Variants in PROX1 observed in about 807,000 individuals in gnomAD.
PROX1 encodes the protein prospero homeobox protein 1.
Under a neutral mutation model 58.8 loss-of-function variants are expected in PROX1, and 7 were observed. That is an observed-to-expected ratio of 0.12 (90% CI 0.07 to 0.22). PROX1 has a LOEUF of 0.22. Among genes scored for constraint, PROX1 ranks in the 10% least tolerant of loss-of-function variants. The pLI is 1.00. For missense variants in PROX1, 675 were observed against 927.8 expected, an observed-to-expected ratio of 0.73 and a Z score of 3.54; for synonymous variants, 350 against 358.3, an observed-to-expected ratio of 0.98 and a Z score of 0.26.
intron 4 of PROX1, among the ~76,000 whole-genome samples, chr1:214,035,182 C>T (rs1664788831): frequency 6.6e-6 from 1 of 152,086 alleles, no homozygotes; most frequent in South Asian, 2.1e-4. Context: ...AGAAGATTTT[C>T]TTCATTTAAA....
chr1:214,027,415 C>T (rs112826429), intron 4 of PROX1, among the ~76,000 whole-genome samples: 3,235 of 152,202 alleles, frequency 0.021, 123 homozygotes, highest in African/African-American at 0.071. Flanking sequence ...AAGCATCAAC[C>T]GAAACTGCTC....
At chr1:213,983,450 G>C (rs1417095505), upstream of PROX1, 1 of 152,340 alleles carries the variant, frequency 6.6e-6, no homozygotes, top group African/African-American at 2.4e-5. Flanking sequence ...CCCTGCCACA[G>C]CTTGGAAGTG....
chr1:214,030,596 G>C (rs1664615078), intron 4 of PROX1: 1 of 152,342 alleles, frequency 6.6e-6, no homozygotes, highest in South Asian at 2.1e-4. Context: ...GCAAGGTTTA[G>C]GTCCCCCGCA....
intron 4 of PROX1, among the ~76,000 whole-genome samples, chr1:214,024,722 A>G (rs1253473278): frequency 6.6e-6 from 1 of 152,214 alleles, no homozygotes; most frequent in Non-Finnish European, 1.5e-5. Flanking sequence ...GGCAGAAAAC[A>G]ATCACGTAAT....
intron 4 of PROX1, among the ~76,000 whole-genome samples, chr1:214,033,493 G>T (rs1435789776): frequency 6.6e-6 from 1 of 152,174 alleles, no homozygotes; most frequent in Non-Finnish European, 1.5e-5. Context: ...AGCTACTCAG[G>T]AGGCTAAGGC....
chr1:214,019,610 T>C (rs960104028), intron 4 of PROX1, among the ~76,000 whole-genome samples: 34 of 152,190 alleles, frequency 2.2e-4, no homozygotes, highest in African/African-American at 8.2e-4. Flanking sequence ...TCGTGGGCCA[T>C]GGGAGGCCTC....
chr1:213,995,192 G>GA (rs3835652), intron 1 of PROX1, among the ~76,000 whole-genome samples: 41,067 of 151,744 alleles, frequency 0.27, 6,053 homozygotes, highest in African/African-American at 0.39. Flanking sequence ...AACCCAACGT[G>GA]AAAAAAATTT....
chr1:213,986,174 T>G (rs937748921), upstream of PROX1: 2 of 151,912 alleles, frequency 1.3e-5, no homozygotes, highest in Non-Finnish European at 2.9e-5. Context: ...TTAGAACACC[T>G]GATACAACAG....
chr1:214,024,806 T>C (rs1664397800), intron 4 of PROX1, among the ~76,000 whole-genome samples: 1 of 152,204 alleles, frequency 6.6e-6, no homozygotes, highest in Admixed American at 6.5e-5. Flanking sequence ...ATTGGAGTGT[T>C]TGTGCTATGT....
intron 4 of PROX1, chr1:214,029,923 C>G (rs994817943): frequency 5.2e-5 from 8 of 152,552 alleles, no homozygotes; most frequent in East Asian, 1.9e-4. Flanking sequence ...ATTTACCGCA[C>G]AGTAGAACAG....
intron 4 of PROX1, among the ~76,000 whole-genome samples, chr1:214,028,315 C>T (rs900452236): frequency 6.6e-6 from 1 of 152,156 alleles, no homozygotes; most frequent in Non-Finnish European, 1.5e-5. Flanking sequence ...TGCCCTTTGA[C>T]CACGGTGCTC....
intron 4 of PROX1, among the ~76,000 whole-genome samples, chr1:214,019,755 G>C (rs1664216726): frequency 6.6e-6 from 1 of 152,158 alleles, no homozygotes; most frequent in Admixed American, 6.5e-5. Context: ...CATCTTCTTT[G>C]TTGCGTTGGC....
chr1:213,987,472 C>T (rs1442076779), upstream of PROX1: 2 of 145,772 alleles, frequency 1.4e-5, no homozygotes, highest in African/African-American at 5.1e-5. Flanking sequence ...CTTTTCCGTG[C>T]CTTCCTCCAC....
chr1:214,022,952 G>A (rs1214377639), intron 4 of PROX1, among the ~76,000 whole-genome samples: 2 of 152,144 alleles, frequency 1.3e-5, no homozygotes, highest in Non-Finnish European at 2.9e-5. Context: ...TTCTACCCTG[G>A]TGACTCTGCT....
intron 4 of PROX1, chr1:214,029,665 G>C (rs1040704710): frequency 6.6e-6 from 1 of 152,100 alleles, no homozygotes; most frequent in Non-Finnish European, 1.5e-5. Context: ...GAATTCCACG[G>C]TGTGAAAATT....
intron 4 of PROX1, among the ~76,000 whole-genome samples, chr1:214,012,651 G>C (rs1437131113): frequency 6.6e-6 from 1 of 152,210 alleles, no homozygotes; most frequent in Non-Finnish European, 1.5e-5. Flanking sequence ...AATTCTGCAG[G>C]CTGAACTCCC....
rs1664849265 is a variant in PROX1 at position 214,036,973 on chromosome 1, T to A, written c.*1139T>A. The A allele has an allele frequency of 1.3e-5, 2 of 152,244 alleles. No individual in the cohort carries two copies. Among genetic ancestry groups the A allele is most frequent in the African/African-American group, 2.4e-5 (1 of 41,482 alleles). The allele number at this position is 152,244 out of a possible 1,614,324, so 9.4% of individuals were successfully genotyped here. A position where few individuals can be genotyped will look rare whatever the true frequency, so the allele number is the denominator to read the frequency against. On this transcript the variant is annotated 3_prime_UTR_variant, in exon 5 of 5. Coordinates refer to ENST00000366958, the MANE Select transcript of PROX1 (RefSeq NM_001270616.2). ...ACTCAGTGTTTCTTCATTTTAGGTA[T>A]AACATTTTAAAGCAATTGATAATGC...
At chr1:213,983,572 G>A (rs1303909527), upstream of PROX1, among the ~76,000 whole-genome samples, 1 of 152,188 alleles carries the variant, frequency 6.6e-6, no homozygotes, top group Non-Finnish European at 1.5e-5. Flanking sequence ...GTTGCGGCCC[G>A]AGACTGCCTT....
At chr1:214,031,066 T>TGTGTGTGTGTGTGCGC (rs1231686198) in intron 4 of PROX1, among the ~76,000 whole-genome samples, 24 of 95,138 alleles carry the variant, frequency 2.5e-4, no homozygotes, top group Non-Finnish European at 5.6e-4. Context: ...TGTGTGTGTG[T>TGTGTGTGTGTGTGCGC]GCGCGCGCGC....
Sources: gnomAD v4.1 joint callset for allele counts (sites outside exome capture counted in the v4.1 genomes callset) on GRCh38, gnomAD v4.1.1 for gene constraint, MANE v1.5 for transcripts, NCBI Gene and HGNC (gene_info 2026-07-23, HGNC 2026-07-21) for gene names.